LPAR3: variants seen among roughly 807,000 people sequenced by gnomAD.
LPAR3 encodes lysophosphatidic acid receptor 3, also known as LPA receptor 3.
A neutral mutation model predicts 17.8 loss-of-function variants in LPAR3; 7 were observed. The observed-to-expected ratio is 0.39, with a 90% CI of 0.22 to 0.74. The LOEUF (loss-of-function observed/expected upper bound fraction) is 0.74, where lower values mean the gene tolerates loss of function less well. LPAR3 is among the 30% of genes least tolerant of loss of function. The pLI, the probability that LPAR3 is intolerant of heterozygous loss-of-function variation, is 0.40. For missense variants in LPAR3, 391 were observed against 453.4 expected (o/e 0.86, Z 1.25); for synonymous variants, 179 against 179.9 (o/e 0.99, Z 0.04).
intron 1 of LPAR3, among the ~76,000 whole-genome samples, chr1:84,871,831 G>A (rs1660162982): frequency 6.6e-6 from 1 of 152,094 alleles, no homozygotes; most frequent in African/African-American, 2.4e-5. Flanking sequence ...TACCCAGGGG[G>A]CTCATTTCTC....
rs1001358207 is a variant in LPAR3 at position 84,813,013 on chromosome 1, C to T, written c.*833G>A. 5 of 151,144 alleles carry T rather than the reference C, an allele frequency of 3.3e-5. No individual in the cohort carries two copies. The East Asian group carries it at 7.8e-4, about 24-fold the overall frequency. 9.4% of individuals were successfully genotyped at this position (151,144 alleles called of 1,614,324 possible). The stretch of plus-strand genomic sequence containing the variant: ...GGGAGGCAGTCTGGGGCGGTAACCC[C>T]GTATCTGAAATACTCCAGGGATCCA... On this transcript the variant is annotated 3_prime_UTR_variant, in exon 3 of 3. Transcript: ENST00000370611.
chr1:84,841,681 C>A (rs1276049322), intron 2 of LPAR3, among the ~76,000 whole-genome samples: 2 of 152,196 alleles, frequency 1.3e-5, no homozygotes, highest in African/African-American at 4.8e-5. Context: ...ATCAAACTCC[C>A]GTGTGTGGCT....
At position 84,813,129 on chromosome 1, in the gene LPAR3, AT is replaced by A. The variant is rs1658847598; in HGVS notation, c.*716del. ...AATAAAAATCAGTAAAAACAGGAAT[AT>A]ATATATATATATATATATATATATA... On this transcript the variant is annotated 3_prime_UTR_variant, in exon 3 of 3. Transcript: ENST00000370611. The A allele has an allele frequency of 1.2e-5, 1 of 85,584 alleles. No individual in the cohort carries two copies. The highest frequency in any genetic ancestry group is 2.5e-5 in the Non-Finnish European group (1 of 39,544). The allele number at this position is 85,584 out of a possible 1,614,324, so 5.3% of individuals were successfully genotyped here.
At chr1:84,838,320 C>T (rs1452022849) in intron 2 of LPAR3, among the ~76,000 whole-genome samples, 1 of 152,188 alleles carries the variant, frequency 6.6e-6, no homozygotes, top group Non-Finnish European at 1.5e-5. Context: ...ACAGATCACC[C>T]TCTTGCATGG....
At chr1:84,857,595 G>C (rs1387267021) in intron 2 of LPAR3, among the ~76,000 whole-genome samples, 2 of 152,216 alleles carry the variant, frequency 1.3e-5, no homozygotes, top group Non-Finnish European at 2.9e-5. Context: ...CAAAACATTT[G>C]GATCAAGGGC....
chr1:84,879,639 G>A (rs1660326402), intron 1 of LPAR3, among the ~76,000 whole-genome samples: 1 of 152,040 alleles, frequency 6.6e-6, no homozygotes, highest in Admixed American at 6.6e-5. Flanking sequence ...CAGAGTAATG[G>A]GCTTATAGCT....
chr1:84,863,969 T>C (rs1442155650), intron 2 of LPAR3, among the ~76,000 whole-genome samples: 1 of 151,996 alleles, frequency 6.6e-6, no homozygotes, highest in Non-Finnish European at 1.5e-5. Context: ...CCCAGTACTG[T>C]GGGAGGCCGA....
At chr1:84,881,169 A>C (rs1285807873) in intron 1 of LPAR3, among the ~76,000 whole-genome samples, 1 of 152,076 alleles carries the variant, frequency 6.6e-6, no homozygotes, top group East Asian at 1.9e-4. Flanking sequence ...TTCTGGGGTC[A>C]CCTGCACGCT....
At chr1:84,840,331 A>G (rs1161335601) in intron 2 of LPAR3, among the ~76,000 whole-genome samples, 6 of 152,248 alleles carry the variant, frequency 3.9e-5, no homozygotes, top group African/African-American at 1.4e-4. Context: ...ACTGATCAAG[A>G]TAAAGTGACA....
intron 2 of LPAR3, among the ~76,000 whole-genome samples, chr1:84,832,438 CAT>C (rs1165430061): frequency 1.3e-5 from 2 of 152,028 alleles, no homozygotes; most frequent in Non-Finnish European, 2.9e-5. Flanking sequence ...ATAAATGACA[CAT>C]ATTGTATAAA....
intron 1 of LPAR3, among the ~76,000 whole-genome samples, chr1:84,881,037 G>A (rs1040117812): frequency 3.3e-5 from 5 of 152,176 alleles, no homozygotes; most frequent in Non-Finnish European, 2.9e-5. Context: ...GTTTTATGGT[G>A]GTTTTCTTGT....
chr1:84,875,061 G>A (rs1191508432), intron 1 of LPAR3, among the ~76,000 whole-genome samples: 14 of 151,946 alleles, frequency 9.2e-5, no homozygotes, highest in East Asian at 1.9e-4. Context: ...CACCATGCCC[G>A]GCTAGTTTTT....
chr1:84,846,764 G>C (rs931521641), intron 2 of LPAR3, among the ~76,000 whole-genome samples: 2 of 151,986 alleles, frequency 1.3e-5, no homozygotes, highest in Non-Finnish European at 2.9e-5. Context: ...ATTCAAACTG[G>C]ATAATTTCAA....
chr1:84,849,148 G>A (rs1245229721), intron 2 of LPAR3, among the ~76,000 whole-genome samples: 1 of 151,930 alleles, frequency 6.6e-6, no homozygotes, highest in Admixed American at 6.6e-5. Flanking sequence ...AGGCTGAGGC[G>A]GGCGGATCAC....
chr1:84,878,962 G>A (rs1660310060), intron 1 of LPAR3, among the ~76,000 whole-genome samples: 1 of 152,134 alleles, frequency 6.6e-6, no homozygotes. Context: ...CAATTACTCT[G>A]GACATAGCTT....
At chr1:84,861,061 T>C (rs1659932017) in intron 2 of LPAR3, among the ~76,000 whole-genome samples, 1 of 152,204 alleles carries the variant, frequency 6.6e-6, no homozygotes. Flanking sequence ...AAATGAATCT[T>C]TCCTACAAAA....
chr1:84,862,510 C>T (rs1046471638), intron 2 of LPAR3, among the ~76,000 whole-genome samples: 1 of 152,202 alleles, frequency 6.6e-6, no homozygotes, highest in African/African-American at 2.4e-5. Context: ...ACCTATCTCA[C>T]AGGGTTTCCA....
intron 1 of LPAR3, among the ~76,000 whole-genome samples, chr1:84,891,534 A>G (rs7546120): frequency 0.3 from 45,055 of 151,948 alleles, 6,948 homozygotes; most frequent in East Asian, 0.45. Flanking sequence ...TAACCGTATC[A>G]CTTCTGTCCC....
rs539014517 is a variant in LPAR3 at position 84,862,338 on chromosome 1, G to A, written c.736+3047C>T. On this transcript the variant is annotated intron_variant, in intron 2 of 2. Transcript: ENST00000370611. Reference sequence around the variant, plus strand: ...AGCAGAAGACAGGACAAAAAGATGAGCGTAAAAAGTCCAGATAAATCACAA... The same window carrying A: ...AGCAGAAGACAGGACAAAAAGATGAACGTAAAAAGTCCAGATAAATCACAA... 2.6e-5 allele frequency among the ~76,000 whole-genome samples: 4 copies of A among 152,332 alleles called. No individual in the cohort carries two copies. In the East Asian group the frequency reaches 7.7e-4, roughly 29 times the overall value.
Sources: allele counts gnomAD v4.1 joint callset (sites outside exome capture counted in the v4.1 genomes callset), GRCh38; gene constraint gnomAD v4.1.1; transcripts MANE v1.5; gene names NCBI Gene and HGNC (gene_info 2026-07-23, HGNC 2026-07-21).